The following TRAK1 variants were observed in gnomAD, a reference collection of about 807,000 sequenced individuals.
The protein encoded by TRAK1 is trafficking kinesin protein 1.
TRAK1 carries 33 observed loss-of-function variants against 92.1 expected under a neutral mutation model. The ratio of observed to expected loss-of-function variants is 0.36; its 90% CI spans 0.27 to 0.48. The LOEUF (loss-of-function observed/expected upper bound fraction) is 0.48, where lower values mean the gene tolerates loss of function less well. Among genes scored for constraint, TRAK1 ranks in the 20% least tolerant of loss-of-function variants. TRAK1 has a pLI of 0.99. For missense variants in TRAK1, 1,123 were observed against 1,257.9 expected (o/e 0.89, Z 1.62); for synonymous variants, 521 against 517.3 (o/e 1.01, Z -0.10).
chr3:42,134,210 C>A (rs1697607604), intron 2 of TRAK1, among the ~76,000 whole-genome samples: 1 of 67,342 alleles, frequency 1.5e-5, no homozygotes, highest in Middle Eastern at 8.1e-3. Context: ...CCCCTTCCCC[C>A]CTCCCCTCCT....
chr3:42,191,272 G>A (rs1009409867), intron 6 of TRAK1, among the ~76,000 whole-genome samples: 2 of 152,182 alleles, frequency 1.3e-5, no homozygotes, highest in Non-Finnish European at 2.9e-5. Context: ...GGTGGTGTTC[G>A]TGGTGTTTTT....
At chr3:42,210,430 G>T in intron 14 of TRAK1, 1 of 1,282,408 alleles carries the variant, frequency 7.8e-7, no homozygotes, top group Non-Finnish European at 9.8e-7. Flanking sequence ...AAAAAAGTGG[G>T]CTTTTGGGTC....
At chr3:42,126,187 CCTATTT>C (rs897722345) in intron 2 of TRAK1, among the ~76,000 whole-genome samples, 1 of 151,322 alleles carries the variant, frequency 6.6e-6, no homozygotes, top group African/African-American at 2.4e-5. Flanking sequence ...TGAAAATGTT[CCTATTT>C]CTATTTCTTA....
At chr3:42,026,686 G>A (rs1435718802) in intron 1 of TRAK1, among the ~76,000 whole-genome samples, 2 of 151,958 alleles carry the variant, frequency 1.3e-5, no homozygotes, top group Non-Finnish European at 2.9e-5. Context: ...CACCACGCCT[G>A]GCTAATTTTT....
At chr3:42,042,660 C>T (rs376058007) in intron 1 of TRAK1, among the ~76,000 whole-genome samples, 18 of 144,894 alleles carry the variant, frequency 1.2e-4, no homozygotes, top group African/African-American at 2.9e-4. Context: ...TGTGAGCCAC[C>T]GCGCCCAGCC....
chr3:42,172,420 C>G (rs1019762796), intron 2 of TRAK1, among the ~76,000 whole-genome samples: 1 of 152,192 alleles, frequency 6.6e-6, no homozygotes, highest in Admixed American at 6.5e-5. Context: ...TCTTAAATCT[C>G]AGGATAAGAG....
chr3:42,153,676 T>G (rs2149269447), intron 2 of TRAK1, among the ~76,000 whole-genome samples: 2 of 152,320 alleles, frequency 1.3e-5, no homozygotes, highest in Admixed American at 1.3e-4. Flanking sequence ...TCTGGTGCGC[T>G]CTGTTCCTCA....
intron 1 of TRAK1, among the ~76,000 whole-genome samples, chr3:42,117,599 A>C (rs1209307136): frequency 6.6e-6 from 1 of 151,592 alleles, no homozygotes; most frequent in Non-Finnish European, 1.5e-5. Flanking sequence ...TCTTCTGCAC[A>C]CTCTGCTCAC....
At chr3:42,031,985 C>T (rs1215694200) in intron 1 of TRAK1, among the ~76,000 whole-genome samples, 1 of 151,876 alleles carries the variant, frequency 6.6e-6, no homozygotes. Context: ...GGTTAGGGGG[C>T]GGGGAAGGGA....
chr3:42,087,674 G>C (rs1017886791), upstream of TRAK1, among the ~76,000 whole-genome samples: 2 of 152,210 alleles, frequency 1.3e-5, no homozygotes, highest in African/African-American at 2.4e-5. Context: ...GTTAAAGATG[G>C]TAACATCCAA....
chr3:42,046,265 A>G (rs1702744762), intron 1 of TRAK1, among the ~76,000 whole-genome samples: 1 of 151,980 alleles, frequency 6.6e-6, no homozygotes, highest in Non-Finnish European at 1.5e-5. Flanking sequence ...TTCCTTGATA[A>G]TCATGGTTTT....
intron 2 of TRAK1, among the ~76,000 whole-genome samples, chr3:42,165,580 A>C (rs1334222869): frequency 6.6e-6 from 1 of 152,160 alleles, no homozygotes; most frequent in East Asian, 1.9e-4. Context: ...GTGATGCGTC[A>C]GGCTTTTGTG....
Position 42,200,978 on chromosome 3 carries a change from G to C in TRAK1, c.1351G>C (p.Gly451Arg). The change falls in exon 12 of 16, where the codon GGC becomes CGC. Residue 451 changes from glycine to arginine, a missense_variant. Physicochemically the swap from Gly to Arg is moderately radical, Grantham distance 125. This residue lies in a region of TRAK1 where 686 missense variants were observed against 747.6 expected (regional missense o/e 0.92). Transcript: ENST00000327628. ...CVSTPRSSFY[G>R]SDIGNVVLDN... ...CAGCACCCCCCGGTCCAGCTTCTAC[G>C]GCAGCGACATAGGCAACGTCGTCCT... is the stretch of plus-strand genomic sequence containing the variant. The C allele has an allele frequency of 6.2e-7, 1 of 1,614,156 alleles. No homozygotes were observed. Among genetic ancestry groups the C allele is most frequent in the East Asian group, 2.2e-5 (1 of 44,870 alleles).
At position 42,202,663 on chromosome 3, in the gene TRAK1, G is replaced by A. The variant is rs149693845; in HGVS notation, c.1655G>A (p.Arg552His). 5.0e-6 allele frequency: 8 copies of A among 1,613,168 alleles called. No individual in the cohort carries two copies. The Admixed American group carries it at 5.0e-5, about 10-fold the overall frequency. ...ESIMSLGTHS[R>H]FSEFTGFSGM... Reference sequence around the variant, plus strand: ...ATCATGTCCCTGGGCACGCACTCCCGCTTCTCCGAGTTCACCGGCTTCTCT... The same window carrying A: ...ATCATGTCCCTGGGCACGCACTCCCACTTCTCCGAGTTCACCGGCTTCTCT... The change falls in exon 13 of 16, where the codon CGC becomes CAC. Residue 552 changes from arginine (R) to histidine (H), a missense_variant. Physicochemically the swap from Arg to His is conservative, Grantham distance 29 (BLOSUM62 0). Around this residue, in one of 3 missense-constraint regions of TRAK1, gnomAD observed 686 missense variants for 747.6 expected, o/e 0.92. Coordinates refer to ENST00000327628, the MANE Select transcript of TRAK1 (RefSeq NM_001042646.3). This position sits in a 1 kb window ranked among gnomAD's most constrained non-coding sequence, Gnocchi z 6.1.
rs758664395 is a variant in TRAK1, at chr3:42,189,060, A to G, written c.626A>G (p.His209Arg). ...TCCTCCTCAGTCCAGAATTACTTTC[A>G]TTTGGATTCTCTTCAAAAGAAGCTG... is the stretch of plus-strand genomic sequence containing the variant. ...ESSSSVQNYF[H>R]LDSLQKKLKD... Residue 209 changes from histidine (H) to arginine (R), a missense_variant, in exon 6 of 16, where the codon CAT becomes CGT. His to Arg is a conservative substitution (Grantham distance 29). This residue lies in a region of TRAK1 where 686 missense variants were observed against 747.6 expected (regional missense o/e 0.92). Coordinates refer to ENST00000327628, the MANE Select transcript of TRAK1 (RefSeq NM_001042646.3). The G allele has an allele frequency of 1.1e-5, 17 of 1,614,064 alleles. No individual in the cohort carries two copies. The highest frequency in any genetic ancestry group is 1.4e-5 in the Non-Finnish European group (17 of 1,180,024).
At chr3:42,204,139 G>T (rs1228971019) in intron 13 of TRAK1, 2 of 985,646 alleles carry the variant, frequency 2.0e-6, no homozygotes, top group East Asian at 1.1e-4. Flanking sequence ...ATTGTTTTCT[G>T]ATCCACATTG....
intron 1 of TRAK1, among the ~76,000 whole-genome samples, chr3:42,055,942 T>G (rs1391300324): frequency 2.0e-5 from 3 of 152,252 alleles, no homozygotes; most frequent in African/African-American, 7.2e-5. Flanking sequence ...TATGTAGTCC[T>G]TTGTGACTGG....
chr3:42,102,498 A>G (rs931899669), intron 1 of TRAK1, among the ~76,000 whole-genome samples: 11 of 152,200 alleles, frequency 7.2e-5, no homozygotes, highest in Admixed American at 4.6e-4. Context: ...TGTTTTGCTC[A>G]TTAGCCCAGC....
intron 6 of TRAK1, among the ~76,000 whole-genome samples, chr3:42,190,072 G>A (rs1234403753): frequency 6.6e-6 from 1 of 152,158 alleles, no homozygotes; most frequent in Non-Finnish European, 1.5e-5. Flanking sequence ...GACAAAGCTA[G>A]GATTTGCAAG....
Sources: allele counts gnomAD v4.1 joint callset (sites outside exome capture counted in the v4.1 genomes callset), GRCh38; gene constraint gnomAD v4.1.1; regional missense constraint gnomAD v4.1.1; non-coding constraint Gnocchi (gnomAD v3.1); transcripts MANE v1.5; gene names NCBI Gene and HGNC (gene_info 2026-07-23, HGNC 2026-07-21).